Variants in RBFOX1 observed in about 807,000 individuals in gnomAD.
RBFOX1 encodes RNA binding fox-1 homolog 1, also known as RNA binding protein fox-1 homolog 1.
Under a neutral mutation model 57.7 loss-of-function variants are expected in RBFOX1, and 8 were observed. The ratio of observed to expected loss-of-function variants is 0.14; its 90% CI spans 0.08 to 0.25. The LOEUF is 0.25. Ranked by LOEUF, RBFOX1 falls within the 10% of genes least tolerant of loss-of-function variation. The probability of loss-of-function intolerance (pLI) is 1.00; values close to 1 mark genes in which losing one functional copy is unlikely to be tolerated. For missense variants in RBFOX1, 611 were observed against 548.5 expected (o/e 1.11, Z -1.14); for synonymous variants, 326 against 222.4 (o/e 1.47, Z -4.15).
downstream of RBFOX1, among the ~76,000 whole-genome samples, chr16:5,602,960 G>A (rs542783158): frequency 3.9e-5 from 6 of 152,166 alleles, no homozygotes; most frequent in Non-Finnish European, 8.8e-5. Flanking sequence ...ATGCTGTGTC[G>A]TTCCTCTAGA....
intron 1 of RBFOX1, among the ~76,000 whole-genome samples, chr16:5,262,090 A>G (rs1288017867): frequency 6.6e-6 from 1 of 152,236 alleles, no homozygotes. Context: ...ATATCAGAGA[A>G]GGGAGCAACT....
chr16:7,628,550 C>A (rs2060437631), intron 10 of RBFOX1, among the ~76,000 whole-genome samples: 1 of 152,092 alleles, frequency 6.6e-6, no homozygotes, highest in African/African-American at 2.4e-5. Flanking sequence ...CCCCAGTGAC[C>A]TGCTAAAACT....
intron 1 of RBFOX1, among the ~76,000 whole-genome samples, chr16:6,175,506 G>T (rs893401467): frequency 6.6e-5 from 10 of 152,090 alleles, no homozygotes; most frequent in South Asian, 2.1e-4. Flanking sequence ...TGTAGGTCGG[G>T]GGGGTGGGGG....
rs138091693 is a variant in RBFOX1, at chr16:5,241,881, G to A, written c.219+1776G>A. ...TTTGAGAGGCCGAAGGGGGAGGATC[G>A]CTTGAGTCCAGGAGTTTAAGACCAG... On this transcript the variant is annotated intron_variant, in intron 1 of 2. Transcript: ENST00000585867. Among the ~76,000 whole-genome samples, 3 of 151,624 alleles carry A rather than the reference G, an allele frequency of 2.0e-5. No homozygotes were observed. The East Asian group carries it at 5.8e-4, about 29-fold the overall frequency.
chr16:5,426,495 C>G (rs538794557), intron 1 of RBFOX1, among the ~76,000 whole-genome samples: 6 of 152,322 alleles, frequency 3.9e-5, no homozygotes, highest in African/African-American at 1.4e-4. Context: ...GAGGTGACCC[C>G]TCAGGTCAGC....
intron 1 of RBFOX1, among the ~76,000 whole-genome samples, chr16:6,135,677 A>G (rs929383180): frequency 1.3e-5 from 2 of 152,188 alleles, no homozygotes; most frequent in South Asian, 4.1e-4. Context: ...AGTTAATGGA[A>G]CAATGACTAA....
intron 2 of RBFOX1, among the ~76,000 whole-genome samples, chr16:6,617,882 G>A (rs988961743): frequency 3.4e-4 from 52 of 152,266 alleles, no homozygotes; most frequent in Admixed American, 1.4e-3. Context: ...TACCATGGAG[G>A]TCTAGAAGTG....
intron 3 of RBFOX1, among the ~76,000 whole-genome samples, chr16:6,738,602 G>A (rs1455044512): frequency 1.3e-5 from 2 of 152,122 alleles, no homozygotes; most frequent in Admixed American, 1.3e-4. Flanking sequence ...CATAAGGAAG[G>A]ATAGAGAAGA....
rs1160702604 is a variant in RBFOX1 at position 5,855,976 on chromosome 16, C to CTT, written c.319-11308_319-11307dup. 9.3e-3 allele frequency among the ~76,000 whole-genome samples: 721 copies of CTT among 77,686 alleles called. 16 individuals carry two copies. Among genetic ancestry groups the CTT allele is most frequent in the Non-Finnish European group, 0.015 (568 of 38,924 alleles). 51.0% of individuals were successfully genotyped at this position (77,686 alleles called of 152,430 possible). A position where few individuals can be genotyped will look rare whatever the true frequency, so the allele number is the denominator to read the frequency against. On this transcript the variant is annotated intron_variant, in intron 3 of 19. Coordinates refer to the RBFOX1 transcript ENST00000641259. ...TAAGTTTATTCCTATGTATGTTATT[C>CTT]TTTTTTTTTTTTTTTTTTTTGCTAT...
intron 1 of RBFOX1, among the ~76,000 whole-genome samples, chr16:5,337,715 C>G (rs2064933200): frequency 6.6e-6 from 1 of 152,298 alleles, no homozygotes; most frequent in East Asian, 1.9e-4. Flanking sequence ...AGCTCCTGAG[C>G]TCTGTGCCTG....
intron 3 of RBFOX1, among the ~76,000 whole-genome samples, chr16:6,925,447 G>A (rs1597390573): frequency 7.5e-6 from 1 of 133,696 alleles, no homozygotes; most frequent in Non-Finnish European, 1.6e-5. Context: ...TGCGACTAAT[G>A]GACTCCACAT....
chr16:7,029,854 C>G (rs1480000027), intron 3 of RBFOX1, among the ~76,000 whole-genome samples: 1 of 152,082 alleles, frequency 6.6e-6, no homozygotes, highest in Admixed American at 6.6e-5. Flanking sequence ...AGAATGATAA[C>G]TTGATTCTTA....
chr16:6,789,275 A>G (rs143787189), intron 3 of RBFOX1, among the ~76,000 whole-genome samples: 4 of 152,328 alleles, frequency 2.6e-5, no homozygotes, highest in African/African-American at 7.2e-5. Flanking sequence ...GTTCACCAGA[A>G]CTTAAATACA....
At chr16:5,274,323 G>A (rs7498694) in intron 1 of RBFOX1, among the ~76,000 whole-genome samples, 80,892 of 151,838 alleles carry the variant, frequency 0.53, 22,466 homozygotes, top group African/African-American at 0.7. Context: ...GAGGCCAGGA[G>A]TTCGAGACCA....
At chr16:6,378,510 G>C (rs2091453032) in intron 2 of RBFOX1, among the ~76,000 whole-genome samples, 1 of 152,232 alleles carries the variant, frequency 6.6e-6, no homozygotes, top group Non-Finnish European at 1.5e-5. Context: ...AAGAGAGTCA[G>C]AGCACACACA....
intron 1 of RBFOX1, among the ~76,000 whole-genome samples, chr16:5,324,337 C>T (rs1197505928): frequency 6.6e-6 from 1 of 152,126 alleles, no homozygotes; most frequent in African/African-American, 2.4e-5. Context: ...GTGGTGCACG[C>T]CTGTAATCCC....
At chr16:5,647,808 C>G (rs1234375548) in intron 3 of RBFOX1, among the ~76,000 whole-genome samples, 1 of 152,164 alleles carries the variant, frequency 6.6e-6, no homozygotes, top group Non-Finnish European at 1.5e-5. Context: ...TTTTAAAAAT[C>G]TCTGCTTCCC....
At chr16:6,914,298 G>A (rs1166732535) in intron 3 of RBFOX1, among the ~76,000 whole-genome samples, 4 of 152,134 alleles carry the variant, frequency 2.6e-5, no homozygotes, top group Admixed American at 2.0e-4. Context: ...TAATTTCCGG[G>A]CTAGGAGGGA....
At chr16:6,578,966 C>A (rs951449103) in intron 2 of RBFOX1, among the ~76,000 whole-genome samples, 1 of 151,662 alleles carries the variant, frequency 6.6e-6, no homozygotes, top group African/African-American at 2.4e-5. Context: ...GATGGGTGTA[C>A]CAAACTGTCG....
Sources: allele counts gnomAD v4.1 joint callset (sites outside exome capture counted in the v4.1 genomes callset), GRCh38; gene constraint gnomAD v4.1.1; transcripts MANE v1.5; gene names NCBI Gene and HGNC (gene_info 2026-07-23, HGNC 2026-07-21).